IFT88: variants seen among roughly 807,000 people sequenced by gnomAD.
IFT88 encodes the protein intraflagellar transport protein 88 homolog.
In IFT88, 74 loss-of-function variants were observed where a neutral mutation model predicts 119.5. That is an observed-to-expected ratio of 0.62 (90% CI 0.51 to 0.75). IFT88 has a LOEUF of 0.75. Ranked by LOEUF, IFT88 falls within the 30% of genes least tolerant of loss-of-function variation. IFT88 has a pLI of 0.00. For synonymous variants in IFT88, 279 were observed against 316.7 expected (o/e 0.88, Z 1.26); for missense variants, 961 against 977.7 (o/e 0.98, Z 0.23).
intron 1 of IFT88, among the ~76,000 whole-genome samples, chr13:20,570,009 A>G (rs1409753450): frequency 1.3e-5 from 2 of 150,640 alleles, no homozygotes; most frequent in Non-Finnish European, 2.9e-5. Flanking sequence ...ACTGCCCTCT[A>G]GCCTAGGCGA....
intron 24 of IFT88, among the ~76,000 whole-genome samples, chr13:20,681,315 C>A (rs1169667025): frequency 6.6e-6 from 1 of 152,210 alleles, no homozygotes; most frequent in Non-Finnish European, 1.5e-5. Flanking sequence ...AATGTATCTA[C>A]ACATACATGC....
intron 24 of IFT88, among the ~76,000 whole-genome samples, chr13:20,680,361 T>C (rs1390850425): frequency 6.6e-6 from 1 of 152,236 alleles, no homozygotes; most frequent in Admixed American, 6.5e-5. Flanking sequence ...CTATCATCTA[T>C]AGAACTAGGC....
intron 21 of IFT88, among the ~76,000 whole-genome samples, chr13:20,656,122 TA>T (rs60352862): frequency 2.4e-4 from 25 of 104,782 alleles, no homozygotes; most frequent in Non-Finnish European, 2.5e-4. Flanking sequence ...CTCGTCTCTT[TA>T]AAAAAAAAAA....
intron 1 of IFT88, among the ~76,000 whole-genome samples, chr13:20,573,369 T>C (rs1479710598): frequency 6.6e-6 from 1 of 152,086 alleles, no homozygotes; most frequent in Non-Finnish European, 1.5e-5. Context: ...AAAGGCCAAA[T>C]GGAGCGCCTG....
intron 14 of IFT88, among the ~76,000 whole-genome samples, chr13:20,622,518 T>G (rs897777081): frequency 1.3e-5 from 2 of 152,218 alleles, no homozygotes; most frequent in Non-Finnish European, 2.9e-5. Context: ...AATTTTGGCC[T>G]TTCTAATAAG....
At position 20,591,634 on chromosome 13, in the gene IFT88, C is replaced by T; in HGVS notation, c.281C>T (p.Pro94Leu). 1 of 1,611,946 alleles carries T rather than the reference C, an allele frequency of 6.2e-7. No homozygotes were observed. Among genetic ancestry groups the T allele is most frequent in the Non-Finnish European group, 8.5e-7 (1 of 1,178,578 alleles). ...TCTTTAAAGGATGGAGTTACTAGAC[C>T]CATGACAGCAGTGAGAGCAGCTGGT... ...TGAIQDGVTR[P>L]MTAVRAAGFT... Residue 94 changes from proline (P) to leucine (L), a missense_variant, in exon 6 of 26, where the codon CCC becomes CTC. By Grantham distance (98) the Pro-to-Leu change is moderately conservative (BLOSUM62 -3). Coordinates refer to ENST00000351808, the MANE Select transcript of IFT88 (RefSeq NM_006531.5).
chr13:20,605,987 G>A (rs1295766118), intron 13 of IFT88, among the ~76,000 whole-genome samples: 1 of 148,772 alleles, frequency 6.7e-6, no homozygotes, highest in Non-Finnish European at 1.5e-5. Context: ...TCTGAACTGT[G>A]TCATTTAGGG....
intron 23 of IFT88, among the ~76,000 whole-genome samples, chr13:20,667,899 C>T (rs956915549): frequency 6.6e-6 from 1 of 152,214 alleles, no homozygotes; most frequent in East Asian, 1.9e-4. Context: ...TATTTTCTCA[C>T]TTCCCAGGTG....
At chr13:20,679,700 C>CA (rs2057103253) in intron 24 of IFT88, among the ~76,000 whole-genome samples, 1 of 152,200 alleles carries the variant, frequency 6.6e-6, no homozygotes. Context: ...CCAGACTGAA[C>CA]TGTTGTGAGC....
At chr13:20,668,946 G>A (rs1287579494) in intron 23 of IFT88, among the ~76,000 whole-genome samples, 1 of 152,212 alleles carries the variant, frequency 6.6e-6, no homozygotes, top group Admixed American at 6.5e-5. Context: ...TGGGGCACAC[G>A]GGAGGATCTA....
In IFT88 at chr13:20,567,239, C is replaced by G. The variant is rs868247872; in HGVS notation, c.-24C>G. On this transcript the variant is annotated 5_prime_UTR_variant, in exon 1 of 26. Transcript: ENST00000351808. Reference sequence around the variant, plus strand: ...TCCCTGGGCCCGAATAACTGTCGCCCGCTTCCCTCAGCGTGAGGTAGGAGA... The same window carrying G: ...TCCCTGGGCCCGAATAACTGTCGCCGGCTTCCCTCAGCGTGAGGTAGGAGA... The G allele has an allele frequency of 6.6e-6, 1 of 152,284 alleles. No individual in the cohort carries two copies. The highest frequency in any genetic ancestry group is 2.4e-5 in the African/African-American group (1 of 41,458). The allele number at this position is 152,284 out of a possible 1,614,324, so 9.4% of individuals were successfully genotyped here.
At chr13:20,664,391 A>G (rs2054306177) in intron 23 of IFT88, among the ~76,000 whole-genome samples, 2 of 151,930 alleles carry the variant, frequency 1.3e-5, no homozygotes, top group South Asian at 2.1e-4. Flanking sequence ...AGAAGAAAAC[A>G]TTGTACATTG....
chr13:20,620,961 A>C lies in IFT88; in HGVS notation c.1200-4789A>C, dbSNP rs372107185. Among the ~76,000 whole-genome samples the C allele has an allele frequency of 2.3e-3, 357 of 152,360 alleles. 1 individual carries two copies. Among genetic ancestry groups the C allele is most frequent in the South Asian group, 0.017 (81 of 4,826 alleles). On this transcript the variant is annotated intron_variant, in intron 14 of 25. Coordinates refer to ENST00000351808, the MANE Select transcript of IFT88 (RefSeq NM_006531.5). ...GAAGCAGGAAGTGGTCACTCACCAG[A>C]CAGCCAGCCTGCTGGCGCCTTGTTC...
Position 20,625,773 on chromosome 13 carries a change from C to T in IFT88, c.1223C>T (p.Ser408Phe), listed in dbSNP as rs941518598. ...AGGTGCGTGGAAGTGGTGAAAGCTT[C>T]TCAATATGTAGAGCTAGCCAATGAT... ...YDWCVEVVKASQYVELANDLE... is the reference protein window; with the variant it reads ...YDWCVEVVKAFQYVELANDLE... Residue 408 changes from serine to phenylalanine, a missense_variant, in exon 15 of 26, where the codon TCT becomes TTT. Physicochemically the swap from Ser to Phe is radical, Grantham distance 155. Transcript: ENST00000351808. 3.1e-6 allele frequency: 5 copies of T among 1,605,114 alleles called. No individual in the cohort carries two copies. The highest frequency in any genetic ancestry group is 4.2e-6 in the Non-Finnish European group (5 of 1,177,330).
chr13:20,659,000 A>G (rs1473507050), intron 22 of IFT88, among the ~76,000 whole-genome samples: 1 of 152,218 alleles, frequency 6.6e-6, no homozygotes, highest in Non-Finnish European at 1.5e-5. Context: ...TCAATAGTCT[A>G]CCTTAACTGT....
chr13:20,633,078 G>A (rs1035452454), intron 16 of IFT88, among the ~76,000 whole-genome samples: 19 of 152,130 alleles, frequency 1.2e-4, no homozygotes, highest in African/African-American at 4.6e-4. Context: ...GGTGCTGATT[G>A]GGGGAAAAGA....
At position 20,666,323 on chromosome 13, in the gene IFT88, TGGA is replaced by T. The variant is rs1321945810; in HGVS notation, c.2175+2720_2175+2722del. Among the ~76,000 whole-genome samples, 14 of 152,358 alleles carry T rather than the reference TGGA, an allele frequency of 9.2e-5. No individual in the cohort carries two copies. In the East Asian group the frequency reaches 9.6e-4, roughly 10 times the overall value. On this transcript the variant is annotated intron_variant, in intron 23 of 25. Coordinates refer to ENST00000351808, the MANE Select transcript of IFT88 (RefSeq NM_006531.5). ...ATTACTAGAAAAATGATCCTGCACTTGGATGTCAGCAGGGTCCGACATCCAGCA... is the reference window on the plus strand; with the variant it reads ...ATTACTAGAAAAATGATCCTGCACTTTGTCAGCAGGGTCCGACATCCAGCA...
intron 23 of IFT88, among the ~76,000 whole-genome samples, chr13:20,669,424 A>ATT (rs34389525): frequency 0.095 from 13,648 of 142,992 alleles, 884 homozygotes; most frequent in Non-Finnish European, 0.15. Context: ...TATTTTCAGC[A>ATT]TTTTTTTTTT....
chr13:20,584,338 T>C (rs2039255322), intron 3 of IFT88, among the ~76,000 whole-genome samples: 1 of 152,182 alleles, frequency 6.6e-6, no homozygotes, highest in Admixed American at 6.6e-5. Flanking sequence ...TCAGTGTATC[T>C]AGTAAGTGAA....
Sources: allele counts gnomAD v4.1 joint callset (sites outside exome capture counted in the v4.1 genomes callset), GRCh38; gene constraint gnomAD v4.1.1; transcripts MANE v1.5; gene names NCBI Gene and HGNC (gene_info 2026-07-23, HGNC 2026-07-21).